Variants in PPFIBP2 observed in about 807,000 individuals in gnomAD.
PPFIBP2 encodes the protein PPFIB scaffold protein 2, also known as liprin-beta-2.
In PPFIBP2, 118 loss-of-function variants were observed where a neutral mutation model predicts 118.3. The observed-to-expected ratio is 1.00, with a 90% CI of 0.86 to 1.16. PPFIBP2 has a LOEUF of 1.16. PPFIBP2 is among the 50% of genes most tolerant of loss of function. PPFIBP2 has a pLI of 0.00. For synonymous variants in PPFIBP2, 414 were observed against 397.4 expected (o/e 1.04, Z -0.50); for missense variants, 1,195 against 1,073.1 (o/e 1.11, Z -1.59).
At chr11:7,527,513 A>G (rs566785690) in intron 1 of PPFIBP2, among the ~76,000 whole-genome samples, 4 of 152,242 alleles carry the variant, frequency 2.6e-5, no homozygotes, top group East Asian at 3.9e-4. Flanking sequence ...ACCATTGTCT[A>G]TGCTGAGAAT....
intron 1 of PPFIBP2, among the ~76,000 whole-genome samples, chr11:7,529,337 A>G (rs1192423405): frequency 1.3e-5 from 2 of 152,234 alleles, no homozygotes; most frequent in African/African-American, 2.4e-5. Flanking sequence ...GACAGATCTT[A>G]TCGGCTCCAT....
chr11:7,666,481 G>A, the PPFIBP2 span: 1 of 1,613,218 alleles, frequency 6.2e-7, no homozygotes, highest in Non-Finnish European at 8.5e-7. Flanking sequence ...GTGTACCACA[G>A]GTTGAACTGG....
At position 7,616,947 on chromosome 11, in the gene PPFIBP2, T is replaced by G. The variant is rs1848723536; in HGVS notation, c.619-3988T>G. ...CAGGCCTGAGGAAAAATGCCATGTC[T>G]TTTGGTTCTGTTGTGGAAAGTGGAG... On this transcript the variant is annotated intron_variant, in intron 6 of 23. Coordinates refer to ENST00000299492, the MANE Select transcript of PPFIBP2 (RefSeq NM_003621.5). The surrounding 1 kb of genome is among the most constrained non-coding windows in gnomAD (Gnocchi z 5.2). Among the ~76,000 whole-genome samples, 1 of 151,994 alleles carries G rather than the reference T, an allele frequency of 6.6e-6. No homozygotes were observed. Among genetic ancestry groups the G allele is most frequent in the African/African-American group, 2.4e-5 (1 of 41,378 alleles).
intron 4 of PPFIBP2, among the ~76,000 whole-genome samples, chr11:7,594,192 G>A (rs1486492410): frequency 1.3e-5 from 2 of 151,984 alleles, no homozygotes; most frequent in Non-Finnish European, 2.9e-5. Context: ...TGAACATAAG[G>A]GTAATGAATG....
chr11:7,665,324 T>TCTGAAA, the PPFIBP2 span: 1 of 1,420,480 alleles, frequency 7.0e-7, no homozygotes, highest in Non-Finnish European at 9.4e-7. Flanking sequence ...TTGAACTTAC[T>TCTGAAA]CTGAAACAGA....
At position 7,653,320 on chromosome 11, in the gene PPFIBP2, AGAGAATATTCCAG is replaced by A. The variant is rs1376158511; in HGVS notation, c.*103_*115del. 1.3e-6 allele frequency: 2 copies of A among 1,539,400 alleles called. No individual in the cohort carries two copies. Among genetic ancestry groups the A allele is most frequent in the Non-Finnish European group, 1.7e-6 (2 of 1,147,080 alleles). On this transcript the variant is annotated 3_prime_UTR_variant, in exon 24 of 24. Coordinates refer to ENST00000299492, the MANE Select transcript of PPFIBP2 (RefSeq NM_003621.5). ...ACCCCCGCACGTGTGCATGACTCGC[AGAGAATATTCCAG>A]CAATTGTGTACCCCTGGGCCAGTCT... is the stretch of plus-strand genomic sequence containing the variant.
intron 1 of PPFIBP2, among the ~76,000 whole-genome samples, chr11:7,538,004 A>T (rs1260443591): frequency 6.6e-6 from 1 of 152,230 alleles, no homozygotes; most frequent in Non-Finnish European, 1.5e-5. Context: ...ACAAAGGCAG[A>T]ATATCGAGAG....
chr11:7,597,339 T>A, intron 4 of PPFIBP2: 7 of 1,535,680 alleles, frequency 4.6e-6, no homozygotes, highest in Non-Finnish European at 6.1e-6. Flanking sequence ...ACGTGACCCA[T>A]GTCATCAGAG....
intron 13 of PPFIBP2, 96 bp from the exon 14 acceptor site, chr11:7,635,456 G>C: frequency 1.6e-6 from 2 of 1,252,200 alleles, no homozygotes; most frequent in Non-Finnish European, 2.3e-6. Context: ...GCGCCTTTCA[G>C]ATTTAAGCAA....
intron 6 of PPFIBP2, among the ~76,000 whole-genome samples, chr11:7,619,208 A>T (rs116226455): frequency 6.6e-6 from 1 of 152,198 alleles, no homozygotes; most frequent in African/African-American, 2.4e-5. Flanking sequence ...TTTAATTGCA[A>T]ATTATGTAGG....
downstream of PPFIBP2, among the ~76,000 whole-genome samples, chr11:7,659,073 T>A (rs1854832688): frequency 6.9e-6 from 1 of 145,964 alleles, no homozygotes; most frequent in African/African-American, 2.6e-5. Context: ...GTTGCGAAAA[T>A]TTTCTCCCAT....
chr11:7,561,318 G>A (rs780938085), intron 2 of PPFIBP2, among the ~76,000 whole-genome samples: 21 of 152,110 alleles, frequency 1.4e-4, no homozygotes, highest in Admixed American at 5.9e-4. Flanking sequence ...TGCCTGCCTC[G>A]GCCTCCCAAA....
chr11:7,644,877 A>C (rs1290411935), intron 17 of PPFIBP2, among the ~76,000 whole-genome samples: 3 of 151,086 alleles, frequency 2.0e-5, no homozygotes. Context: ...AATACAAAAA[A>C]TTAGCCGGGC....
At chr11:7,575,171 G>C (rs913993242) in intron 3 of PPFIBP2, among the ~76,000 whole-genome samples, 3 of 152,108 alleles carry the variant, frequency 2.0e-5, no homozygotes, top group South Asian at 2.1e-4. Flanking sequence ...CTTATCATTT[G>C]AGCCTTATTC....
chr11:7,588,638 A>G (rs1328268992), intron 3 of PPFIBP2, among the ~76,000 whole-genome samples: 2 of 152,230 alleles, frequency 1.3e-5, no homozygotes, highest in African/African-American at 4.8e-5. Flanking sequence ...GGCCTAGGGA[A>G]GACCTTGATA....
intron 6 of PPFIBP2, among the ~76,000 whole-genome samples, chr11:7,615,691 C>A (rs144969359): frequency 5.9e-5 from 9 of 152,294 alleles, no homozygotes; most frequent in Non-Finnish European, 1.3e-4. Flanking sequence ...GGAAAACTGC[C>A]TTTCTAGCTC....
rs1232996659 is a variant in PPFIBP2 at position 7,565,546 on chromosome 11, A to G, written c.65-7A>G. 19 of 1,614,040 alleles carry G rather than the reference A, an allele frequency of 1.2e-5. No individual in the cohort carries two copies. The highest frequency in any genetic ancestry group is 1.6e-5 in the Non-Finnish European group (19 of 1,179,958). On this transcript the variant is annotated splice_polypyrimidine_tract_variant and splice_region_variant and intron_variant, in intron 2 of 23. Transcript: ENST00000299492. ...CTTACTGAGTTTTCACCTCTCTCTC[A>G]TTGCAGGCACTAAAACAGGTGCAGA...
chr11:7,529,607 A>G (rs893702628), intron 1 of PPFIBP2, among the ~76,000 whole-genome samples: 2 of 152,222 alleles, frequency 1.3e-5, no homozygotes, highest in African/African-American at 4.8e-5. Flanking sequence ...CCAGCCAGCC[A>G]TGAACGTGGT....
At chr11:7,586,461 C>T (rs1858201638) in intron 3 of PPFIBP2, among the ~76,000 whole-genome samples, 1 of 152,110 alleles carries the variant, frequency 6.6e-6, no homozygotes, top group South Asian at 2.1e-4. Flanking sequence ...TATTCAAAAA[C>T]TGTTTATATC....
Sources: allele counts gnomAD v4.1 joint callset (sites outside exome capture counted in the v4.1 genomes callset), GRCh38; gene constraint gnomAD v4.1.1; non-coding constraint Gnocchi (gnomAD v3.1); transcripts MANE v1.5; gene names NCBI Gene and HGNC (gene_info 2026-07-23, HGNC 2026-07-21).